RNF38: variants seen among roughly 807,000 people sequenced by gnomAD.
RNF38 encodes E3 ubiquitin-protein ligase RNF38.
In RNF38, 15 loss-of-function variants were observed where a neutral mutation model predicts 67.2. The ratio of observed to expected loss-of-function variants is 0.22; its 90% CI spans 0.15 to 0.34. The LOEUF (loss-of-function observed/expected upper bound fraction) is 0.34, where lower values mean the gene tolerates loss of function less well. Among genes scored for constraint, RNF38 ranks in the 10% least tolerant of loss-of-function variants. The probability of loss-of-function intolerance (pLI) is 1.00; values close to 1 mark genes in which losing one functional copy is unlikely to be tolerated. For synonymous variants in RNF38, 220 were observed against 218.8 expected, an observed-to-expected ratio of 1.01 and a Z score of -0.05; for missense variants, 524 against 639.9, an observed-to-expected ratio of 0.82 and a Z score of 1.95.
In RNF38 at chr9:36,363,092, T is replaced by C. The variant is rs187435080; in HGVS notation, c.571-5150A>G. Among the ~76,000 whole-genome samples the C allele has an allele frequency of 5.0e-5, 5 of 99,582 alleles. 1 individual carries two copies. The highest frequency in any genetic ancestry group is 9.2e-5 in the Admixed American group (1 of 10,832). The allele number at this position is 99,582 out of a possible 152,430, so 65.3% of individuals were successfully genotyped here. ...CCATCCATCCATCCATCCATCCTTA[T>C]CTACCTATGTATCTATCTATGAGAT... On this transcript the variant is annotated intron_variant, in intron 4 of 11. Coordinates refer to ENST00000259605, the MANE Select transcript of RNF38 (RefSeq NM_022781.5).
At chr9:36,392,382 T>G (rs1338585570) in intron 1 of RNF38, among the ~76,000 whole-genome samples, 1 of 152,216 alleles carries the variant, frequency 6.6e-6, no homozygotes, top group Non-Finnish European at 1.5e-5. Context: ...CGCAGAAGTA[T>G]GCATTGCTGA....
intron 4 of RNF38, among the ~76,000 whole-genome samples, chr9:36,364,220 C>G (rs922281205): frequency 1.3e-5 from 2 of 152,090 alleles, no homozygotes; most frequent in Non-Finnish European, 2.9e-5. Context: ...TCAGCCTACC[C>G]CACATGAAAA....
chr9:36,336,714 T>C lies in RNF38; in HGVS notation c.*3038A>G, dbSNP rs932971794. 1 of 152,558 alleles carries C rather than the reference T, an allele frequency of 6.6e-6. No individual in the cohort carries two copies. The highest frequency in any genetic ancestry group is 1.5e-5 in the Non-Finnish European group (1 of 68,026). 9.5% of individuals were successfully genotyped at this position (152,558 alleles called of 1,614,324 possible). A position where few individuals can be genotyped will look rare whatever the true frequency, so the allele number is the denominator to read the frequency against. On this transcript the variant is annotated 3_prime_UTR_variant, in exon 12 of 12. Coordinates refer to ENST00000259605, the MANE Select transcript of RNF38 (RefSeq NM_022781.5). ...GAAACGGCAAAATGAGGTAACCAAA[T>C]GTACCAACAGGGGGACAAACAAACA...
chr9:36,487,427 GGGCGCGGGC>G, exon 1 of RNF38: 2 of 981,026 alleles, frequency 2.0e-6, no homozygotes, highest in African/African-American at 1.8e-5. Flanking sequence ...CGGCGGTGGG[GGGCGCGGGC>G]GGCGCGGGGG....
chr9:36,400,610 C>T (rs1837941896), upstream of RNF38: 4 of 985,966 alleles, frequency 4.1e-6, no homozygotes, highest in Admixed American at 6.1e-5. Context: ...GCTGGGCCGC[C>T]GCCTCCTATT....
At chr9:36,485,212 G>T (rs115592136) in intron 1 of RNF38, among the ~76,000 whole-genome samples, 8,008 of 152,084 alleles carry the variant, frequency 0.053, 647 homozygotes, top group African/African-American at 0.18. Context: ...AATATATGTA[G>T]TCTTCTGTTG....
At chr9:36,460,278 T>A (rs1463825700) in intron 1 of RNF38, among the ~76,000 whole-genome samples, 1 of 152,182 alleles carries the variant, frequency 6.6e-6, no homozygotes, top group Non-Finnish European at 1.5e-5. Context: ...TTTACTTCTC[T>A]CGCATAAGTG....
exon 1 of RNF38, chr9:36,487,534 G>A: frequency 1.0e-6 from 1 of 980,874 alleles, no homozygotes; most frequent in South Asian, 4.5e-5. Context: ...CGGCGGCAGC[G>A]ACCGCGGCGG....
intron 1 of RNF38, among the ~76,000 whole-genome samples, chr9:36,457,482 C>T (rs573233840): frequency 1.3e-4 from 20 of 152,314 alleles, no homozygotes; most frequent in Admixed American, 1.2e-3. Context: ...CTGCGATGGG[C>T]ACAGACATTA....
chr9:36,365,660 T>TA, intron 4 of RNF38, among the ~76,000 whole-genome samples: 1 of 88,072 alleles, frequency 1.1e-5, no homozygotes, highest in Middle Eastern at 5.1e-3. Flanking sequence ...TTAAGACTGA[T>TA]AGTTTTTTTT....
rs749406653 is a variant in RNF38, at chr9:36,473,989, A to G, written n.241+13319T>C. Among the ~76,000 whole-genome samples the G allele has an allele frequency of 4.3e-3, 518 of 120,416 alleles. 1 individual carries two copies. The highest frequency in any genetic ancestry group is 5.4e-3 in the Non-Finnish European group (294 of 54,258). The allele number at this position is 120,416 out of a possible 152,430, so 79.0% of individuals were successfully genotyped here. ...CAATAGAGCAAGACTCCATCTCGGG[A>G]AAAAAAAAAAAAAAAACCCTCAATT... On this transcript the variant is annotated intron_variant and non_coding_transcript_variant, in intron 1 of 3. Coordinates refer to the RNF38 transcript ENST00000488058.
intron 9 of RNF38, among the ~76,000 whole-genome samples, chr9:36,347,098 G>A: frequency 8.9e-6 from 1 of 112,508 alleles, no homozygotes; most frequent in Non-Finnish European, 1.7e-5. Context: ...CCAAGCCTGG[G>A]CGACAAAGGG....
intron 2 of RNF38, among the ~76,000 whole-genome samples, chr9:36,387,843 C>G (rs923016443): frequency 3.3e-5 from 5 of 151,790 alleles, no homozygotes; most frequent in Admixed American, 2.0e-4. Context: ...CAAAATATTA[C>G]TGGAAGCACT....
intron 1 of RNF38, among the ~76,000 whole-genome samples, chr9:36,469,889 G>A (rs1587198989): frequency 1.3e-5 from 2 of 152,200 alleles, no homozygotes; most frequent in East Asian, 1.9e-4. Flanking sequence ...GTGGAGGGAG[G>A]GTCACTGGAG....
chr9:36,478,637 A>G (rs2134443184), intron 1 of RNF38, among the ~76,000 whole-genome samples: 1 of 151,452 alleles, frequency 6.6e-6, no homozygotes, highest in Non-Finnish European at 1.5e-5. Flanking sequence ...GACCAACATG[A>G]AGAAACCCCG....
intron 2 of RNF38, among the ~76,000 whole-genome samples, chr9:36,419,172 A>G (rs150383111): frequency 5.1e-4 from 78 of 152,360 alleles, no homozygotes; most frequent in African/African-American, 1.8e-3. Flanking sequence ...ATGCTCAACC[A>G]GTATATAACG....
chr9:36,394,165 C>T (rs1341742645), intron 1 of RNF38, among the ~76,000 whole-genome samples: 2 of 152,132 alleles, frequency 1.3e-5, no homozygotes. Context: ...GTCCCAGCTA[C>T]TTGGGAGGCT....
intron 2 of RNF38, among the ~76,000 whole-genome samples, chr9:36,385,380 CTT>C (rs544217136): frequency 3.0e-4 from 42 of 138,386 alleles, no homozygotes; most frequent in East Asian, 4.2e-4. Flanking sequence ...TCCACTACAG[CTT>C]TTTTTTTTTT....
intron 2 of RNF38, among the ~76,000 whole-genome samples, chr9:36,379,130 C>A (rs985446960): frequency 6.6e-6 from 1 of 152,118 alleles, no homozygotes; most frequent in Non-Finnish European, 1.5e-5. Flanking sequence ...GAACTCTCGA[C>A]CTCAGGTGAT....
Sources: gnomAD v4.1 joint callset for allele counts (sites outside exome capture counted in the v4.1 genomes callset) on GRCh38, gnomAD v4.1.1 for gene constraint, MANE v1.5 for transcripts, NCBI Gene and HGNC (gene_info 2026-07-23, HGNC 2026-07-21) for gene names.